ROBO2: variants seen among roughly 807,000 people sequenced by gnomAD.
ROBO2 encodes roundabout guidance receptor 2.
A neutral mutation model predicts 160.8 loss-of-function variants in ROBO2; 53 were observed. The ratio of observed to expected loss-of-function variants is 0.33; its 90% CI spans 0.26 to 0.41. ROBO2 has a LOEUF of 0.41. Ranked by LOEUF, ROBO2 falls within the 10% of genes least tolerant of loss-of-function variation. ROBO2 has a pLI of 1.00. For missense variants in ROBO2, 1,577 were observed against 1,722.4 expected (o/e 0.92, Z 1.49); for synonymous variants, 664 against 611.7 (o/e 1.09, Z -1.26).
At chr3:75,937,352 A>G (rs1947828828) in intron 1 of ROBO2, 1 of 401,240 alleles carries the variant, frequency 2.5e-6, no homozygotes, top group Non-Finnish European at 4.3e-6. Flanking sequence ...TGATTTTCAA[A>G]TGTACCTCCT....
exon 26 of ROBO2, chr3:77,649,290 G>T (rs2095433218): frequency 6.6e-6 from 1 of 152,114 alleles, no homozygotes; most frequent in Non-Finnish European, 1.5e-5. Flanking sequence ...TAATGCTCTG[G>T]GTATTTAAAT....
chr3:75,960,798 GAAAA>G (rs1053293382), intron 2 of ROBO2, among the ~76,000 whole-genome samples: 1 of 150,768 alleles, frequency 6.6e-6, no homozygotes, highest in Non-Finnish European at 1.5e-5. Flanking sequence ...ATTTCTAAAA[GAAAA>G]AAAGAGAACT....
chr3:76,863,245 G>A (rs147844767), intron 2 of ROBO2, among the ~76,000 whole-genome samples: 142 of 152,062 alleles, frequency 9.3e-4, no homozygotes, highest in African/African-American at 3.4e-3. Context: ...TTTCTTCTGT[G>A]TAAAATCTTA....
At chr3:76,511,844 G>A (rs1340989889) in intron 2 of ROBO2, among the ~76,000 whole-genome samples, 1 of 152,190 alleles carries the variant, frequency 6.6e-6, no homozygotes, top group Non-Finnish European at 1.5e-5. Context: ...ATCAGTAAGT[G>A]GGAAGAAGTG....
intron 2 of ROBO2, among the ~76,000 whole-genome samples, chr3:76,802,607 A>C (rs1162859104): frequency 6.6e-6 from 1 of 151,956 alleles, no homozygotes; most frequent in African/African-American, 2.4e-5. Context: ...CGGCACCTGT[A>C]GTCCCAGCTA....
At chr3:77,626,370 T>C (rs1220338404) in intron 23 of ROBO2, among the ~76,000 whole-genome samples, 1 of 152,222 alleles carries the variant, frequency 6.6e-6, no homozygotes, top group Non-Finnish European at 1.5e-5. Flanking sequence ...CAGCACTTTT[T>C]GCAATGAACC....
chr3:76,925,025 G>A (rs1240698730), intron 2 of ROBO2, among the ~76,000 whole-genome samples: 2 of 151,468 alleles, frequency 1.3e-5, no homozygotes, highest in East Asian at 1.9e-4. Context: ...CGGCTAAAAC[G>A]GTGAAACCCC....
At chr3:76,692,127 G>A (rs2092814460) in intron 2 of ROBO2, among the ~76,000 whole-genome samples, 1 of 152,042 alleles carries the variant, frequency 6.6e-6, no homozygotes, top group African/African-American at 2.4e-5. Context: ...GATGACTTTG[G>A]CACTCACCAA....
intron 2 of ROBO2, among the ~76,000 whole-genome samples, chr3:77,101,389 A>C (rs903888887): frequency 6.6e-6 from 1 of 152,202 alleles, no homozygotes; most frequent in Non-Finnish European, 1.5e-5. Context: ...AACTCTAGGG[A>C]ACAGAACAGT....
At chr3:76,938,038 G>C (rs1297882627) in intron 2 of ROBO2, among the ~76,000 whole-genome samples, 1 of 152,156 alleles carries the variant, frequency 6.6e-6, no homozygotes, top group African/African-American at 2.4e-5. Flanking sequence ...TGGGAATTAC[G>C]GACGGGCCTC....
At chr3:77,385,231 A>T (rs2073976400) in intron 2 of ROBO2, among the ~76,000 whole-genome samples, 1 of 152,070 alleles carries the variant, frequency 6.6e-6, no homozygotes, top group Non-Finnish European at 1.5e-5. Flanking sequence ...AGGTTTCATT[A>T]TGTTGGCCAG....
At chr3:76,414,200 T>G (rs945825714) in intron 2 of ROBO2, among the ~76,000 whole-genome samples, 1 of 152,166 alleles carries the variant, frequency 6.6e-6, no homozygotes, top group Non-Finnish European at 1.5e-5. Flanking sequence ...ACAATTCAAG[T>G]TGAGATTTCA....
At chr3:77,310,089 C>T (rs958261821) in intron 2 of ROBO2, among the ~76,000 whole-genome samples, 1 of 152,006 alleles carries the variant, frequency 6.6e-6, no homozygotes, top group African/African-American at 2.4e-5. Flanking sequence ...AAGTTAGATC[C>T]CCTCCTAGGG....
At chr3:76,293,660 A>C (rs1478253926) in intron 2 of ROBO2, among the ~76,000 whole-genome samples, 1 of 152,210 alleles carries the variant, frequency 6.6e-6, no homozygotes, top group African/African-American at 2.4e-5. Flanking sequence ...GGACATGGAC[A>C]TTGGATGGAG....
intron 2 of ROBO2, among the ~76,000 whole-genome samples, chr3:76,225,751 CA>C (rs1704244460): frequency 2.6e-5 from 4 of 151,926 alleles, no homozygotes; most frequent in Admixed American, 2.0e-4. Flanking sequence ...AATAAAAATT[CA>C]TTTTAAAAAT....
chr3:76,772,908 G>A (rs1423334291), intron 2 of ROBO2, among the ~76,000 whole-genome samples: 1 of 151,092 alleles, frequency 6.6e-6, no homozygotes, highest in Admixed American at 6.6e-5. Context: ...ATTTTTCTGT[G>A]TGCACTTTCT....
chr3:76,201,751 T>A (rs915934725), intron 2 of ROBO2, among the ~76,000 whole-genome samples: 1 of 152,062 alleles, frequency 6.6e-6, no homozygotes, highest in Non-Finnish European at 1.5e-5. Context: ...TGAAGTTTGC[T>A]GGGCTGCACA....
At chr3:75,973,465 C>G (rs982110930) in intron 2 of ROBO2, among the ~76,000 whole-genome samples, 1 of 151,316 alleles carries the variant, frequency 6.6e-6, no homozygotes, top group East Asian at 2.0e-4. Context: ...AACTAAAGAA[C>G]CAGGAACTGA....
At chr3:76,681,461 A>G (rs1434898820) in intron 2 of ROBO2, among the ~76,000 whole-genome samples, 2 of 152,016 alleles carry the variant, frequency 1.3e-5, no homozygotes, top group African/African-American at 2.4e-5. Flanking sequence ...AATGAGGCTC[A>G]GAGAAGTTTC....
Sources: gnomAD v4.1 joint callset for allele counts (sites outside exome capture counted in the v4.1 genomes callset) on GRCh38, gnomAD v4.1.1 for gene constraint, MANE v1.5 for transcripts, NCBI Gene and HGNC (gene_info 2026-07-23, HGNC 2026-07-21) for gene names.